DLGAP1: variants seen among roughly 807,000 people sequenced by gnomAD.
DLGAP1 encodes DLG associated protein 1, also known as disks large-associated protein 1.
Under a neutral mutation model 90.8 loss-of-function variants are expected in DLGAP1, and 11 were observed. That is an observed-to-expected ratio of 0.12 (90% CI 0.08 to 0.20). The LOEUF is 0.20. Ranked by LOEUF, DLGAP1 falls within the 10% of genes least tolerant of loss-of-function variation. DLGAP1 has a pLI of 1.00. For synonymous variants in DLGAP1, 558 were observed against 540.7 expected (o/e 1.03, Z -0.44); for missense variants, 1,050 against 1,333.8 (o/e 0.79, Z 3.31).
intron 3 of DLGAP1, among the ~76,000 whole-genome samples, chr18:3,919,091 G>C (rs1290754184): frequency 7.1e-6 from 1 of 140,006 alleles, no homozygotes; most frequent in Non-Finnish European, 1.5e-5. Flanking sequence ...CCTGGATATA[G>C]GTAAGTTGAT....
intron 7 of DLGAP1, among the ~76,000 whole-genome samples, chr18:3,713,605 G>A (rs1374892693): frequency 1.3e-5 from 2 of 152,188 alleles, no homozygotes; most frequent in Non-Finnish European, 2.9e-5. Context: ...GCAATAAGCG[G>A]CACATTGATG....
intron 1 of DLGAP1, among the ~76,000 whole-genome samples, chr18:4,447,386 G>C (rs1367434464): frequency 1.3e-5 from 2 of 152,102 alleles, no homozygotes; most frequent in African/African-American, 4.8e-5. Context: ...GACTACAAGA[G>C]CATTATTACT....
chr18:4,425,372 GTCC>G (rs1311478801), intron 1 of DLGAP1, among the ~76,000 whole-genome samples: 3 of 152,136 alleles, frequency 2.0e-5, no homozygotes, highest in Non-Finnish European at 4.4e-5. Context: ...GGCTCCAACT[GTCC>G]TCCTGTTGAT....
chr18:3,569,438 T>C (rs986342191), intron 8 of DLGAP1, among the ~76,000 whole-genome samples: 1 of 152,046 alleles, frequency 6.6e-6, no homozygotes, highest in African/African-American at 2.4e-5. Context: ...AAACTCTTTC[T>C]CTGTTACATA....
At chr18:3,863,665 C>T (rs1254996266) in intron 4 of DLGAP1, among the ~76,000 whole-genome samples, 4 of 152,164 alleles carry the variant, frequency 2.6e-5, no homozygotes, top group Non-Finnish European at 4.4e-5. Flanking sequence ...TGCATGGATG[C>T]GATGTGAATC....
chr18:3,978,161 G>T, intron 3 of DLGAP1: 1 of 444,952 alleles, frequency 2.2e-6, no homozygotes, highest in Non-Finnish European at 4.5e-6. Context: ...CTGGTGGGGG[G>T]CAAAGCCCTT....
chr18:4,087,434 A>G (rs1166798693), intron 2 of DLGAP1, among the ~76,000 whole-genome samples: 3 of 152,200 alleles, frequency 2.0e-5, no homozygotes. Flanking sequence ...TCTGTGCCTT[A>G]AGGACATGCT....
At chr18:4,309,504 C>T (rs562389060) in intron 1 of DLGAP1, among the ~76,000 whole-genome samples, 7 of 152,274 alleles carry the variant, frequency 4.6e-5, no homozygotes, top group Middle Eastern at 3.4e-3. Context: ...TCAGGATGAA[C>T]TAAGCACTAA....
At chr18:3,906,482 G>A (rs998889498) in intron 3 of DLGAP1, among the ~76,000 whole-genome samples, 5 of 152,136 alleles carry the variant, frequency 3.3e-5, no homozygotes, top group African/African-American at 1.2e-4. Flanking sequence ...CTGAAGTACA[G>A]GAACTCTCAC....
At chr18:4,356,092 C>T (rs981569393) in intron 1 of DLGAP1, among the ~76,000 whole-genome samples, 2 of 151,878 alleles carry the variant, frequency 1.3e-5, no homozygotes, top group African/African-American at 4.8e-5. Context: ...ACCGCCTTGA[C>T]AGCAGGAAGT....
At chr18:4,292,747 C>G (rs2079883082) in intron 1 of DLGAP1, among the ~76,000 whole-genome samples, 1 of 152,102 alleles carries the variant, frequency 6.6e-6, no homozygotes, top group African/African-American at 2.4e-5. Flanking sequence ...CAAGGGTAGT[C>G]TTTTCTCTCC....
chr18:4,291,408 T>C (rs1357990986), intron 1 of DLGAP1, among the ~76,000 whole-genome samples: 3 of 152,184 alleles, frequency 2.0e-5, no homozygotes, highest in Admixed American at 1.3e-4. Flanking sequence ...TATTAAATAT[T>C]CATTAAGCAT....
At chr18:3,604,455 C>T (rs922153275) in intron 7 of DLGAP1, 7 of 46,890 alleles carry the variant, frequency 1.5e-4, no homozygotes, top group African/African-American at 1.4e-3. Context: ...CACACGCACA[C>T]GCACACACAC....
intron 10 of DLGAP1, among the ~76,000 whole-genome samples, chr18:3,510,788 G>A (rs986652749): frequency 2.0e-5 from 3 of 152,190 alleles, no homozygotes; most frequent in Admixed American, 1.3e-4. Flanking sequence ...TCTCAATTAT[G>A]TCTGATGCCT....
At chr18:4,212,902 A>T (rs74931616) in intron 1 of DLGAP1, among the ~76,000 whole-genome samples, 19,515 of 152,148 alleles carry the variant, frequency 0.13, 1,344 homozygotes, top group African/African-American at 0.18. Context: ...TGAACAATTA[A>T]ATTTGTCATA....
At chr18:4,308,178 T>C (rs1235479616) in intron 1 of DLGAP1, among the ~76,000 whole-genome samples, 2 of 152,168 alleles carry the variant, frequency 1.3e-5, no homozygotes, top group Non-Finnish European at 2.9e-5. Context: ...GCTTGTCTGA[T>C]AATTGGTGAC....
intron 2 of DLGAP1, among the ~76,000 whole-genome samples, chr18:4,082,341 C>CAAAGA (rs2075621128): frequency 1.3e-5 from 1 of 78,776 alleles, no homozygotes; most frequent in Non-Finnish European, 2.4e-5. Flanking sequence ...GACTCCATCT[C>CAAAGA]AAAAAAAAAA....
At chr18:3,600,801 GATATATAGATATATATAGATATATAGAT>G (rs1568278273) in intron 7 of DLGAP1, among the ~76,000 whole-genome samples, 4 of 15,424 alleles carry the variant, frequency 2.6e-4, no homozygotes, top group South Asian at 9.7e-4. Context: ...TAGATATATA[GATATATAGATATATATAGATATATAGAT>G]ATATATAGAT....
chr18:3,892,881 T>G (rs1199660501), intron 3 of DLGAP1, among the ~76,000 whole-genome samples: 1 of 147,824 alleles, frequency 6.8e-6, no homozygotes, highest in Non-Finnish European at 1.5e-5. Flanking sequence ...TTTATATATA[T>G]AAAGAATTAT....
Sources: allele counts gnomAD v4.1 joint callset (sites outside exome capture counted in the v4.1 genomes callset), GRCh38; gene constraint gnomAD v4.1.1; transcripts MANE v1.5; gene names NCBI Gene and HGNC (gene_info 2026-07-23, HGNC 2026-07-21).